Variants in ZDHHC14 observed in about 807,000 individuals in gnomAD.
ZDHHC14 encodes zDHHC palmitoyltransferase 14, also known as palmitoyltransferase ZDHHC14.
A neutral mutation model predicts 47.7 loss-of-function variants in ZDHHC14; 16 were observed. The observed-to-expected ratio is 0.34, with a 90% CI of 0.23 to 0.51. ZDHHC14 has a LOEUF of 0.51. Among genes scored for constraint, ZDHHC14 ranks in the 20% least tolerant of loss-of-function variants. ZDHHC14 has a pLI of 0.97. For missense variants in ZDHHC14, 515 were observed against 662.5 expected (o/e 0.78, Z 2.44); for synonymous variants, 293 against 278.9 (o/e 1.05, Z -0.50).
chr6:157,387,231 G>GAAA (rs112193006), intron 1 of ZDHHC14, among the ~76,000 whole-genome samples: 1 of 144,314 alleles, frequency 6.9e-6, no homozygotes, highest in African/African-American at 2.5e-5. Context: ...TAATTCCTCT[G>GAAA]AAAAAAAAAA....
At chr6:157,526,694 G>A (rs368751451) in intron 1 of ZDHHC14, among the ~76,000 whole-genome samples, 1 of 152,244 alleles carries the variant, frequency 6.6e-6, no homozygotes. Context: ...ATGGCCCTAC[G>A]TCTGTGCTAG....
chr6:157,388,051 A>G (rs937950973), intron 1 of ZDHHC14, among the ~76,000 whole-genome samples: 3 of 152,232 alleles, frequency 2.0e-5, no homozygotes, highest in Admixed American at 6.5e-5. Flanking sequence ...AACTAGTGAT[A>G]ACATTCGGAT....
intron 1 of ZDHHC14, among the ~76,000 whole-genome samples, chr6:157,438,877 G>A (rs1645235408): frequency 6.6e-6 from 1 of 152,162 alleles, no homozygotes; most frequent in South Asian, 2.1e-4. Context: ...AGAAAGCTGT[G>A]GACAAATATA....
At chr6:157,564,178 C>G (rs1236909230) in intron 2 of ZDHHC14, among the ~76,000 whole-genome samples, 1 of 152,232 alleles carries the variant, frequency 6.6e-6, no homozygotes, top group African/African-American at 2.4e-5. Context: ...TCAGTTAGAA[C>G]TGTTCTTGCA....
intron 1 of ZDHHC14, among the ~76,000 whole-genome samples, chr6:157,539,402 T>C (rs1018337397): frequency 2.0e-5 from 3 of 151,908 alleles, no homozygotes; most frequent in South Asian, 2.1e-4. Flanking sequence ...AGGCCCTGTC[T>C]CCAGAAAGAT....
chr6:157,546,053 C>T (rs1781959970), intron 2 of ZDHHC14, among the ~76,000 whole-genome samples: 4 of 152,216 alleles, frequency 2.6e-5, no homozygotes. Context: ...TCATAAAAAG[C>T]TACCTAAGCG....
Position 157,640,179 on chromosome 6 carries a change from A to ATG in ZDHHC14, c.753-5556_753-5555dup, listed in dbSNP as rs111402802. On this transcript the variant is annotated intron_variant, in intron 5 of 8. Coordinates refer to ENST00000359775, the MANE Select transcript of ZDHHC14 (RefSeq NM_024630.3). ...GCCCTGCCTATCAACACTCATTTCA[A>ATG]TGTAATGTAGCATTAACATCCAATT... Among the ~76,000 whole-genome samples, 331 of 152,344 alleles carry ATG rather than the reference A, an allele frequency of 2.2e-3. 2 individuals carry two copies. The highest frequency in any genetic ancestry group is 6.4e-3 in the African/African-American group (267 of 41,590).
chr6:157,465,443 A>G (rs1779188656), intron 1 of ZDHHC14, among the ~76,000 whole-genome samples: 1 of 152,140 alleles, frequency 6.6e-6, no homozygotes, highest in Non-Finnish European at 1.5e-5. Context: ...GCCCAAGCCC[A>G]TTAAAACAAT....
At chr6:157,613,285 T>C (rs1477160866) in intron 3 of ZDHHC14, among the ~76,000 whole-genome samples, 1 of 152,222 alleles carries the variant, frequency 6.6e-6, no homozygotes, top group African/African-American at 2.4e-5. Flanking sequence ...TGCACAGAGA[T>C]GCACATAAAA....
chr6:157,588,869 A>G (rs973739842), intron 2 of ZDHHC14, among the ~76,000 whole-genome samples: 1 of 152,144 alleles, frequency 6.6e-6, no homozygotes, highest in Non-Finnish European at 1.5e-5. Context: ...TTCCCATTCC[A>G]TAGTTGGGAC....
intron 1 of ZDHHC14, among the ~76,000 whole-genome samples, chr6:157,466,021 G>A (rs377129722): frequency 8.5e-5 from 13 of 152,196 alleles, no homozygotes; most frequent in South Asian, 6.2e-4. Flanking sequence ...CAGCCTGGGC[G>A]ACAGAGTGAG....
At chr6:157,660,009 G>C (rs1247655531) in intron 8 of ZDHHC14, among the ~76,000 whole-genome samples, 2 of 152,118 alleles carry the variant, frequency 1.3e-5, no homozygotes, top group Non-Finnish European at 2.9e-5. Flanking sequence ...AGAATGGACA[G>C]AGCGTTGCTA....
intron 1 of ZDHHC14, among the ~76,000 whole-genome samples, chr6:157,407,772 G>C (rs1184596473): frequency 6.6e-6 from 1 of 152,182 alleles, no homozygotes; most frequent in Non-Finnish European, 1.5e-5. Context: ...GACACTTCTT[G>C]TTGGCCTGTC....
chr6:157,418,233 AGT>A (rs1778024203), intron 1 of ZDHHC14, among the ~76,000 whole-genome samples: 1 of 152,128 alleles, frequency 6.6e-6, no homozygotes, highest in East Asian at 1.9e-4. Context: ...GTCAGGGTGG[AGT>A]GTGTGTTAGA....
At position 157,381,868 on chromosome 6, in the gene ZDHHC14, C is replaced by G. The variant is rs1272847148; in HGVS notation, c.-154C>G. On this transcript the variant is annotated 5_prime_UTR_variant, in exon 1 of 9. Coordinates refer to ENST00000359775, the MANE Select transcript of ZDHHC14 (RefSeq NM_024630.3). The stretch of plus-strand genomic sequence containing the variant: ...CCCGGAGGGTTAACCTGGGTGTCCT[C>G]GGCAAAGTTGTCGCCGAGCCGGGAG... 2.4e-5 allele frequency: 14 copies of G among 593,616 alleles called. No homozygotes were observed. Among genetic ancestry groups the G allele is most frequent in the African/African-American group, 1.6e-4 (8 of 48,994 alleles). 36.8% of individuals were successfully genotyped at this position (593,616 alleles called of 1,614,324 possible).
chr6:157,465,012 G>C (rs1779173577), intron 1 of ZDHHC14, among the ~76,000 whole-genome samples: 1 of 151,402 alleles, frequency 6.6e-6, no homozygotes, highest in African/African-American at 2.4e-5. Flanking sequence ...TTGTGCTTCT[G>C]TCACATGCAA....
intron 1 of ZDHHC14, among the ~76,000 whole-genome samples, chr6:157,416,996 T>G (rs930502420): frequency 1.4e-4 from 19 of 134,602 alleles, no homozygotes; most frequent in African/African-American, 4.7e-4. Flanking sequence ...TTTTTTTTTT[T>G]TTTTTGTATT....
At chr6:157,424,851 C>T (rs1459102498) in intron 1 of ZDHHC14, among the ~76,000 whole-genome samples, 2 of 152,040 alleles carry the variant, frequency 1.3e-5, no homozygotes, top group African/African-American at 2.4e-5. Flanking sequence ...CCAACCCCAC[C>T]CCAGGCCCCA....
Position 157,672,673 on chromosome 6 carries a change from C to T in ZDHHC14, c.1069-51C>T, listed in dbSNP as rs770860680. ...TGTCCCCATCCCTGTCCCTCCCCAC[C>T]TCTGCCCCCTCCTCTCCACCTTCTC... On this transcript the variant is annotated intron_variant, in intron 8 of 8. Coordinates refer to ENST00000359775, the MANE Select transcript of ZDHHC14 (RefSeq NM_024630.3). The T allele has an allele frequency of 6.3e-6, 10 of 1,584,092 alleles. No individual in the cohort carries two copies. In the South Asian group the frequency reaches 1.1e-4, roughly 18 times the overall value.
Sources: gnomAD v4.1 joint callset for allele counts (sites outside exome capture counted in the v4.1 genomes callset) on GRCh38, gnomAD v4.1.1 for gene constraint, MANE v1.5 for transcripts, NCBI Gene and HGNC (gene_info 2026-07-23, HGNC 2026-07-21) for gene names.